LRRC52: variants seen among roughly 807,000 people sequenced by gnomAD.
The protein encoded by LRRC52 is leucine-rich repeat-containing protein 52.
In LRRC52, 15 loss-of-function variants were observed where a neutral mutation model predicts 14.7. The observed-to-expected ratio is 1.02, with a 90% CI of 0.68 to 1.58. The LOEUF (loss-of-function observed/expected upper bound fraction) is 1.58. Ranked by LOEUF, LRRC52 falls within the 40% of genes most tolerant of loss-of-function variation. The pLI, the probability that LRRC52 is intolerant of heterozygous loss-of-function variation, is 0.00. For synonymous variants in LRRC52, 180 were observed against 163.9 expected (o/e 1.10, Z -0.75); for missense variants, 400 against 387.7 (o/e 1.03, Z -0.27).
At chr1:165,562,228 ATAT>A (rs1168771803) in intron 1 of LRRC52, among the ~76,000 whole-genome samples, 2 of 152,256 alleles carry the variant, frequency 1.3e-5, no homozygotes, top group African/African-American at 2.4e-5. Context: ...AAGGAAAATA[ATAT>A]TATGTGCATC....
chr1:165,560,620 G>A (rs76992256), intron 1 of LRRC52, among the ~76,000 whole-genome samples: 6,083 of 152,216 alleles, frequency 0.04, 395 homozygotes, highest in African/African-American at 0.14. Context: ...CTCTGAGGAC[G>A]GGGTGGTTGA....
intron 1 of LRRC52, among the ~76,000 whole-genome samples, chr1:165,547,072 C>T (rs192518457): frequency 6.6e-6 from 1 of 152,130 alleles, no homozygotes; most frequent in East Asian, 2.0e-4. Context: ...AGTGTCACAC[C>T]AACACTTAAA....
At chr1:165,552,777 C>T (rs10800110) in intron 1 of LRRC52, among the ~76,000 whole-genome samples, 72,754 of 152,132 alleles carry the variant, frequency 0.48, 20,572 homozygotes, top group East Asian at 0.71. Context: ...TCTGGATCTT[C>T]GGAAACAAGC....
At chr1:165,546,981 C>T (rs2101823414) in intron 1 of LRRC52, among the ~76,000 whole-genome samples, 1 of 152,230 alleles carries the variant, frequency 6.6e-6, no homozygotes, top group African/African-American at 2.4e-5. Flanking sequence ...AGCCGTGGGA[C>T]CCCACACACG....
chr1:165,550,518 C>T (rs1661109931), intron 1 of LRRC52, among the ~76,000 whole-genome samples: 1 of 152,084 alleles, frequency 6.6e-6, no homozygotes, highest in African/African-American at 2.4e-5. Context: ...GTTAGGGTAG[C>T]CTTTTAACAT....
At chr1:165,556,397 A>G (rs923462486) in intron 1 of LRRC52, among the ~76,000 whole-genome samples, 8 of 152,220 alleles carry the variant, frequency 5.3e-5, no homozygotes, top group Non-Finnish European at 4.4e-5. Context: ...AGGGGGGGAA[A>G]TTGTGAATAC....
rs778193435 is a variant in LRRC52, at chr1:165,563,497, C to A, written c.623-8C>A. 3.6e-5 allele frequency: 57 copies of A among 1,605,592 alleles called. No individual in the cohort carries two copies. Among genetic ancestry groups the A allele is most frequent in the Non-Finnish European group, 4.7e-5 (55 of 1,175,134 alleles). ...TCAGCACCCTGCCTGCTGTGTTTTT[C>A]TTCTTAGATGATCTAAATGCCACAT... On this transcript the variant is annotated splice_polypyrimidine_tract_variant and splice_region_variant and intron_variant, in intron 1 of 1. Coordinates refer to ENST00000294818, the MANE Select transcript of LRRC52 (RefSeq NM_001005214.4).
At position 165,544,046 on chromosome 1, in the gene LRRC52, G is replaced by A; in HGVS notation, c.-251G>A. ...GGAAAGGGTGAGACCTTTCAAAGCTGCCAAGTGGGCAAGCTTCCAGCAGCA... is the reference window on the plus strand; with the variant it reads ...GGAAAGGGTGAGACCTTTCAAAGCTACCAAGTGGGCAAGCTTCCAGCAGCA... On this transcript the variant is annotated 5_prime_UTR_variant, in exon 1 of 2. Transcript: ENST00000294818. The A allele has an allele frequency of 1.8e-6, 1 of 546,938 alleles. No homozygotes were observed. 33.9% of individuals were successfully genotyped at this position (546,938 alleles called of 1,614,324 possible). A position where few individuals can be genotyped will look rare whatever the true frequency, so the allele number is the denominator to read the frequency against.
At chr1:165,558,845 C>T (rs1661289295) in intron 1 of LRRC52, among the ~76,000 whole-genome samples, 1 of 152,068 alleles carries the variant, frequency 6.6e-6, no homozygotes, top group Non-Finnish European at 1.5e-5. Context: ...CTACATACTG[C>T]TTACAAAAAT....
intron 1 of LRRC52, among the ~76,000 whole-genome samples, chr1:165,561,488 C>T (rs1661343975): frequency 6.6e-6 from 1 of 152,190 alleles, no homozygotes; most frequent in African/African-American, 2.4e-5. Flanking sequence ...GCCCAGGCCT[C>T]CTGGGCAAAG....
Position 165,544,495 on chromosome 1 carries a change from A to G in LRRC52, c.199A>G (p.Ser67Gly). Residue 67 changes from serine to glycine, a missense_variant, in exon 1 of 2, where the codon AGT (serine) becomes GGT (glycine). Physicochemically the swap from Ser to Gly is moderately conservative, Grantham distance 56 (BLOSUM62 0). Transcript: ENST00000294818. ...RLFLNENRIT[S>G]LPAMHLGLLS... is the part of the protein sequence containing the mutation. ...GTTCCTGAACGAGAACAGAATCACT[A>G]GTTTGCCAGCAATGCATCTAGGACT... is the stretch of plus-strand genomic sequence containing the variant. 1 of 1,614,156 alleles carries G rather than the reference A, an allele frequency of 6.2e-7. No individual in the cohort carries two copies. The highest frequency in any genetic ancestry group is 8.5e-7 in the Non-Finnish European group (1 of 1,180,020).
chr1:165,544,641 G>T lies in LRRC52; in HGVS notation c.345G>T (p.Ser115=). Residue 115 remains serine, a synonymous_variant, in exon 1 of 2, where the codon TCG becomes TCT. Transcript: ENST00000294818. ...YLDLSSNNLT[S]ISPFTFSVLS... ...ACCTCAGCTCCAACAACCTAACCTC[G>T]ATCTCCCCATTCACTTTCTCGGTGC... The T allele has an allele frequency of 6.2e-7, 1 of 1,613,764 alleles. No homozygotes were observed. The highest frequency in any genetic ancestry group is 8.5e-7 in the Non-Finnish European group (1 of 1,179,968).
intron 1 of LRRC52, among the ~76,000 whole-genome samples, chr1:165,545,362 T>C (rs1660999085): frequency 6.6e-6 from 1 of 152,174 alleles, no homozygotes; most frequent in Non-Finnish European, 1.5e-5. Flanking sequence ...ACTGAATTTT[T>C]CCAGGATCAA....
intron 1 of LRRC52, among the ~76,000 whole-genome samples, chr1:165,557,458 C>T (rs1180326551): frequency 6.6e-6 from 1 of 152,180 alleles, no homozygotes; most frequent in Non-Finnish European, 1.5e-5. Context: ...ACAGTGAGCC[C>T]AAGGGGTTTG....
At chr1:165,551,475 T>C (rs1317929676) in intron 1 of LRRC52, among the ~76,000 whole-genome samples, 1 of 152,164 alleles carries the variant, frequency 6.6e-6, no homozygotes, top group African/African-American at 2.4e-5. Flanking sequence ...CAGGGAGCAT[T>C]TGCAATTTGA....
intron 1 of LRRC52, among the ~76,000 whole-genome samples, chr1:165,551,647 G>C (rs1409360139): frequency 6.6e-6 from 1 of 152,148 alleles, no homozygotes; most frequent in Non-Finnish European, 1.5e-5. Flanking sequence ...AGGAGCTTGA[G>C]CAAGGGTGCT....
intron 1 of LRRC52, among the ~76,000 whole-genome samples, chr1:165,557,529 T>A (rs1443401510): frequency 6.6e-6 from 1 of 152,174 alleles, no homozygotes; most frequent in Non-Finnish European, 1.5e-5. Flanking sequence ...TAGACGTCAG[T>A]GAACAAAACA....
intron 1 of LRRC52, among the ~76,000 whole-genome samples, chr1:165,553,082 G>T (rs894834177): frequency 2.6e-5 from 4 of 152,158 alleles, no homozygotes; most frequent in Non-Finnish European, 4.4e-5. Context: ...TATATTTGGG[G>T]ATCATCAACT....
In LRRC52 at chr1:165,544,023, A is replaced by G. The variant is rs1660957887; in HGVS notation, c.-274A>G. 6 of 478,120 alleles carry G rather than the reference A, an allele frequency of 1.3e-5. No homozygotes were observed. The East Asian group carries it at 2.0e-4, about 16-fold the overall frequency. 29.6% of individuals were successfully genotyped at this position (478,120 alleles called of 1,614,324 possible). ...CTCCCCTTCACTTGCAAACGCAGGG[A>G]AAGGGTGAGACCTTTCAAAGCTGCC... On this transcript the variant is annotated 5_prime_UTR_variant, in exon 1 of 2. Transcript: ENST00000294818.
Sources: allele counts gnomAD v4.1 joint callset (sites outside exome capture counted in the v4.1 genomes callset), GRCh38; gene constraint gnomAD v4.1.1; transcripts MANE v1.5; gene names NCBI Gene and HGNC (gene_info 2026-07-23, HGNC 2026-07-21).